SYCP1: variants seen among roughly 807,000 people sequenced by gnomAD.
SYCP1 encodes cancer/testis antigen 8.
A neutral mutation model predicts 153.1 loss-of-function variants in SYCP1; 64 were observed. The observed-to-expected ratio is 0.42, with a 90% confidence interval of 0.34 to 0.51. The LOEUF is 0.51. SYCP1 is among the 20% of genes least tolerant of loss of function. SYCP1 has a pLI of 0.06. For synonymous variants in SYCP1, 384 were observed against 341.8 expected (o/e 1.12, Z -1.36); for missense variants, 997 against 1,049.0 (o/e 0.95, Z 0.68).
At chr1:114,944,837 T>A (rs745326141) in intron 24 of SYCP1, 35 bp from the exon 25 acceptor site, 1 of 1,451,160 alleles carries the variant, frequency 6.9e-7, no homozygotes, top group Non-Finnish European at 9.4e-7. Flanking sequence ...TGTGCATTTA[T>A]TTTAAGAAAC....
At position 114,874,624 on chromosome 1, in the gene SYCP1, A is replaced by G. The variant is rs559753054; in HGVS notation, c.657+60A>G. ...AGGAATTTCTGAGCAAATTAGAGCGATTGCTACAAAGATATGGACAACTAT... is the reference window on the plus strand; with the variant it reads ...AGGAATTTCTGAGCAAATTAGAGCGGTTGCTACAAAGATATGGACAACTAT... On this transcript the variant is annotated intron_variant, in intron 9 of 31. Coordinates refer to ENST00000369522, the MANE Select transcript of SYCP1 (RefSeq NM_003176.4). 1.8e-5 allele frequency: 19 copies of G among 1,030,972 alleles called. No homozygotes were observed. In the East Asian group the frequency reaches 2.5e-4, roughly 13 times the overall value. The allele number at this position is 1,030,972 out of a possible 1,614,324, so 63.9% of individuals were successfully genotyped here.
chr1:114,869,485 T>A (rs550499871), intron 8 of SYCP1, among the ~76,000 whole-genome samples: 1 of 152,338 alleles, frequency 6.6e-6, no homozygotes, highest in African/African-American at 2.4e-5. Context: ...CCATGTGAGC[T>A]TCAGAAGACT....
intron 9 of SYCP1, among the ~76,000 whole-genome samples, chr1:114,875,174 ATGTGTGTGTG>A (rs60673306): frequency 2.4e-4 from 33 of 139,646 alleles, no homozygotes; most frequent in South Asian, 1.9e-3. Flanking sequence ...TGTATTTGAT[ATGTGTGTGTG>A]TGTGTGTGTG....
intron 23 of SYCP1, among the ~76,000 whole-genome samples, chr1:114,939,276 A>G (rs978411274): frequency 6.6e-6 from 1 of 152,174 alleles, no homozygotes; most frequent in Non-Finnish European, 1.5e-5. Context: ...CTACTGTGTG[A>G]TCCAACAATT....
intron 23 of SYCP1, among the ~76,000 whole-genome samples, chr1:114,941,124 A>G (rs1229800070): frequency 6.6e-6 from 1 of 152,154 alleles, no homozygotes; most frequent in Non-Finnish European, 1.5e-5. Context: ...TGTGGAACCC[A>G]TGCAAACTAG....
intron 23 of SYCP1, among the ~76,000 whole-genome samples, chr1:114,943,318 G>A (rs1169334130): frequency 1.3e-5 from 2 of 151,902 alleles, no homozygotes; most frequent in East Asian, 3.8e-4. Context: ...ACTATTGTGT[G>A]TGTACCAGTC....
intron 30 of SYCP1, among the ~76,000 whole-genome samples, chr1:114,988,569 A>G (rs991882067): frequency 2.0e-5 from 3 of 152,034 alleles, no homozygotes; most frequent in South Asian, 2.1e-4. Flanking sequence ...CAAAACTGTC[A>G]TTCAAAATGA....
chr1:114,963,297 G>A (rs1306052820), intron 27 of SYCP1, among the ~76,000 whole-genome samples: 3 of 152,094 alleles, frequency 2.0e-5, no homozygotes, highest in Non-Finnish European at 4.4e-5. Context: ...TCTTCCTGAG[G>A]AACACAAATT....
chr1:114,952,812 T>G (rs1671194614), intron 27 of SYCP1, among the ~76,000 whole-genome samples: 1 of 152,214 alleles, frequency 6.6e-6, no homozygotes, highest in Non-Finnish European at 1.5e-5. Flanking sequence ...TTTTACCTGT[T>G]GAATTTTAAG....
At chr1:114,935,836 C>G (rs536055481) in intron 23 of SYCP1, among the ~76,000 whole-genome samples, 106 of 152,234 alleles carry the variant, frequency 7.0e-4, no homozygotes, top group Admixed American at 2.4e-3. Flanking sequence ...TACATACACC[C>G]TCCTAAGACT....
At chr1:114,908,602 T>C (rs1667980022) in intron 16 of SYCP1, among the ~76,000 whole-genome samples, 1 of 152,220 alleles carries the variant, frequency 6.6e-6, no homozygotes, top group African/African-American at 2.4e-5. Flanking sequence ...GATAGTCAGA[T>C]TCACTGTCTC....
chr1:114,925,070 T>C (rs1402484698), intron 21 of SYCP1, among the ~76,000 whole-genome samples: 8 of 152,138 alleles, frequency 5.3e-5, no homozygotes, highest in Admixed American at 5.2e-4. Flanking sequence ...GATAAAAACC[T>C]TCAAAAGGTT....
intron 7 of SYCP1, among the ~76,000 whole-genome samples, chr1:114,860,020 A>G (rs1334347669): frequency 6.6e-6 from 1 of 152,156 alleles, no homozygotes; most frequent in African/African-American, 2.4e-5. Context: ...TCACTTTTTA[A>G]AATGTCAGGC....
chr1:114,920,168 G>A (rs1668773646), intron 20 of SYCP1, among the ~76,000 whole-genome samples: 1 of 151,882 alleles, frequency 6.6e-6, no homozygotes, highest in Admixed American at 6.6e-5. Context: ...ATAGGTTTTG[G>A]TATGTTATCT....
At chr1:114,922,505 G>A (rs1668961119) in intron 20 of SYCP1, among the ~76,000 whole-genome samples, 1 of 152,068 alleles carries the variant, frequency 6.6e-6, no homozygotes, top group Admixed American at 6.6e-5. Context: ...GCAAAAGCAG[G>A]AGCAAGAGTG....
intron 23 of SYCP1, among the ~76,000 whole-genome samples, chr1:114,940,937 T>C (rs767970804): frequency 6.6e-6 from 1 of 152,210 alleles, no homozygotes; most frequent in Non-Finnish European, 1.5e-5. Context: ...TGTTAACTTG[T>C]CTTTATTTCA....
upstream of SYCP1, among the ~76,000 whole-genome samples, chr1:114,854,575 T>A (rs1435407325): frequency 6.6e-6 from 1 of 152,200 alleles, no homozygotes; most frequent in Non-Finnish European, 1.5e-5. Flanking sequence ...CCTAAATGAT[T>A]ATAGGACATT....
intron 23 of SYCP1, among the ~76,000 whole-genome samples, chr1:114,928,619 C>T (rs360591): frequency 0.39 from 58,671 of 151,948 alleles, 12,531 homozygotes; most frequent in East Asian, 0.5. Flanking sequence ...AATTTTAAAA[C>T]GGTATATATG....
At chr1:114,928,118 A>T (rs1669377363) in intron 23 of SYCP1, among the ~76,000 whole-genome samples, 1 of 152,118 alleles carries the variant, frequency 6.6e-6, no homozygotes, top group Admixed American at 6.6e-5. Context: ...ACTGTGCCTG[A>T]CCTGGGCAGA....
Sources: allele counts gnomAD v4.1 joint callset (sites outside exome capture counted in the v4.1 genomes callset), GRCh38; gene constraint gnomAD v4.1.1; transcripts MANE v1.5; gene names NCBI Gene and HGNC (gene_info 2026-07-23, HGNC 2026-07-21).